Variants in CREB5 observed in about 807,000 individuals in gnomAD.
The protein encoded by CREB5 is cyclic AMP-responsive element-binding protein 5.
CREB5 carries 19 observed loss-of-function variants against 57.1 expected under a neutral mutation model. That is an observed-to-expected ratio of 0.33 (90% CI 0.23 to 0.49). The LOEUF is 0.49. CREB5 is among the 20% of genes least tolerant of loss of function. The pLI, the probability that CREB5 is intolerant of heterozygous loss-of-function variation, is 0.99. For synonymous variants in CREB5, 238 were observed against 238.3 expected (o/e 1.00, Z 0.01); for missense variants, 579 against 671.6 (o/e 0.86, Z 1.52).
rs73090554 is a variant in CREB5 at position 28,419,926 on chromosome 7, T to C, written c.3+7009T>C. 1.0e-2 allele frequency among the ~76,000 whole-genome samples: 1,517 copies of C among 152,356 alleles called. 15 individuals are homozygous for C. Among genetic ancestry groups the C allele is most frequent in the Non-Finnish European group, 0.017 (1,140 of 68,034 alleles). ...CACCATTCTCAGGGTTGTGCTGTGT[T>C]GACGTCATCAAAGATGAGGGTGCAG... On this transcript the variant is annotated intron_variant, in intron 1 of 10. Transcript: ENST00000357727.
chr7:28,753,331 G>T (rs1015654), intron 7 of CREB5, among the ~76,000 whole-genome samples: 1 of 152,220 alleles, frequency 6.6e-6, no homozygotes, highest in Non-Finnish European at 1.5e-5. Flanking sequence ...AAAAATAGAA[G>T]TAATATTGTC....
At chr7:28,548,536 G>A (rs1241191013) in intron 4 of CREB5, among the ~76,000 whole-genome samples, 2 of 152,154 alleles carry the variant, frequency 1.3e-5, no homozygotes, top group East Asian at 1.9e-4. Context: ...GGGGCCAAAC[G>A]AATGTGGAGA....
chr7:28,511,285 T>A (rs182505778), intron 4 of CREB5, among the ~76,000 whole-genome samples: 8 of 151,852 alleles, frequency 5.3e-5, no homozygotes, highest in Admixed American at 2.0e-4. Flanking sequence ...AGGTACGTAC[T>A]GGGGAGAAGA....
At chr7:28,363,974 G>A (rs1786537129) in intron 1 of CREB5, among the ~76,000 whole-genome samples, 1 of 152,190 alleles carries the variant, frequency 6.6e-6, no homozygotes, top group Non-Finnish European at 1.5e-5. Context: ...AGCAGTGTTT[G>A]TAGTAAAGGT....
At chr7:28,408,133 C>T (rs1463193361), upstream of CREB5, among the ~76,000 whole-genome samples, 1 of 152,174 alleles carries the variant, frequency 6.6e-6, no homozygotes, top group Non-Finnish European at 1.5e-5. Flanking sequence ...GAGTTGGGCC[C>T]AGTGCCACCC....
intron 7 of CREB5, among the ~76,000 whole-genome samples, chr7:28,731,759 C>G (rs890814396): frequency 6.6e-6 from 1 of 152,182 alleles, no homozygotes; most frequent in Non-Finnish European, 1.5e-5. Flanking sequence ...AAGCGAAGTA[C>G]ACAGGGGTGA....
At chr7:28,421,691 C>G (rs544644419) in intron 1 of CREB5, among the ~76,000 whole-genome samples, 1 of 151,250 alleles carries the variant, frequency 6.6e-6, no homozygotes, top group Non-Finnish European at 1.5e-5. Flanking sequence ...TTTGAAAATG[C>G]ATTTGACCTT....
At chr7:28,331,065 T>C (rs13221266) in intron 1 of CREB5, among the ~76,000 whole-genome samples, 24,050 of 152,038 alleles carry the variant, frequency 0.16, 2,011 homozygotes, top group East Asian at 0.27. Context: ...CCCACTTTGT[T>C]CCCCTGAAGT....
chr7:28,364,686 T>A (rs1384545526), intron 1 of CREB5, among the ~76,000 whole-genome samples: 1 of 152,160 alleles, frequency 6.6e-6, no homozygotes, highest in Admixed American at 6.5e-5. Context: ...ATCTTGACCC[T>A]CTTGCTCCAT....
chr7:28,466,480 T>C (rs1790577746), intron 1 of CREB5, among the ~76,000 whole-genome samples: 1 of 152,142 alleles, frequency 6.6e-6, no homozygotes, highest in South Asian at 2.1e-4. Flanking sequence ...CCTCTGTAAA[T>C]TGGGGATAAT....
At chr7:28,649,064 G>A (rs1351399407) in intron 5 of CREB5, among the ~76,000 whole-genome samples, 1 of 152,164 alleles carries the variant, frequency 6.6e-6, no homozygotes, top group South Asian at 2.1e-4. Flanking sequence ...AGCCCACAGT[G>A]GTTTCCCTGG....
At chr7:28,685,939 G>A (rs1373575550) in intron 5 of CREB5, 8 of 534,118 alleles carry the variant, frequency 1.5e-5, no homozygotes, top group South Asian at 5.1e-5. Context: ...CACTAGCACT[G>A]AGCTAAAAAG....
intron 7 of CREB5, among the ~76,000 whole-genome samples, chr7:28,782,483 A>G (rs1266704631): frequency 6.6e-6 from 1 of 152,226 alleles, no homozygotes; most frequent in Non-Finnish European, 1.5e-5. Context: ...AGCTGATCTG[A>G]AAATAAAAAG....
rs556396527 is a variant in CREB5, at chr7:28,489,641, T to C, written c.75+1395T>C. On this transcript the variant is annotated intron_variant, in intron 2 of 10. Coordinates refer to ENST00000357727, the MANE Select transcript of CREB5 (RefSeq NM_182898.4). ...ACTTCCCTAGAGAGTTTATGGAGGA[T>C]TCTGGGAGCCTTTTGGAAGGAAGAG... Among the ~76,000 whole-genome samples the C allele has an allele frequency of 5.9e-5, 9 of 152,212 alleles. No individual in the cohort carries two copies. In the South Asian group the frequency reaches 1.9e-3, roughly 32 times the overall value.
At position 28,445,707 on chromosome 7, in the gene CREB5, A is replaced by G. The variant is rs377526057; in HGVS notation, c.3+32790A>G. Among the ~76,000 whole-genome samples the G allele has an allele frequency of 2.8e-3, 421 of 151,974 alleles. 3 individuals carry two copies. The highest frequency in any genetic ancestry group is 0.018 in the South Asian group (87 of 4,762). On this transcript the variant is annotated intron_variant, in intron 1 of 10. Transcript: ENST00000357727. ...GCTGGGACTACAGGCGCCCGCCACC[A>G]CGCCTGGCTAATTTTTTGTATTTTT... is the stretch of plus-strand genomic sequence containing the variant.
At chr7:28,409,816 G>T (rs772099434), upstream of CREB5, 1 of 450,104 alleles carries the variant, frequency 2.2e-6, no homozygotes, top group East Asian at 7.2e-5. This position sits in a 1 kb window ranked among gnomAD's most constrained non-coding sequence, Gnocchi z 4.4. Context: ...AGTCCGCCCG[G>T]CGTGCGTGCG....
chr7:28,390,486 T>C (rs1787195201), intron 1 of CREB5, among the ~76,000 whole-genome samples: 1 of 152,242 alleles, frequency 6.6e-6, no homozygotes, highest in Admixed American at 6.5e-5. Flanking sequence ...TCTTTCCTTT[T>C]GGAGCCTCTG....
intron 4 of CREB5, among the ~76,000 whole-genome samples, chr7:28,524,413 G>A (rs1793342984): frequency 6.6e-6 from 1 of 151,842 alleles, no homozygotes; most frequent in Admixed American, 6.6e-5. Context: ...GCTGAGGCAG[G>A]AGAATTGCTT....
intron 1 of CREB5, among the ~76,000 whole-genome samples, chr7:28,345,768 G>A (rs1408712414): frequency 6.6e-6 from 1 of 152,216 alleles, no homozygotes; most frequent in Non-Finnish European, 1.5e-5. Flanking sequence ...TAGGCCAGAG[G>A]CAGGAATCCA....
Sources: allele counts gnomAD v4.1 joint callset (sites outside exome capture counted in the v4.1 genomes callset), GRCh38; gene constraint gnomAD v4.1.1; non-coding constraint Gnocchi (gnomAD v3.1); transcripts MANE v1.5; gene names NCBI Gene and HGNC (gene_info 2026-07-23, HGNC 2026-07-21).